Variants in GTPBP1 observed in about 807,000 individuals in gnomAD.
The protein encoded by GTPBP1 is GTP binding protein 1, also known as GTP-binding protein 1.
In GTPBP1, 23 loss-of-function variants were observed where a neutral mutation model predicts 62.0. The ratio of observed to expected loss-of-function variants is 0.37; its 90% confidence interval spans 0.27 to 0.53. The LOEUF (loss-of-function observed/expected upper bound fraction) is 0.53, where lower values mean the gene tolerates loss of function less well. GTPBP1 is among the 20% of genes least tolerant of loss of function. The pLI, the probability that GTPBP1 is intolerant of heterozygous loss-of-function variation, is 0.89. For missense variants in GTPBP1, 640 were observed against 917.3 expected (o/e 0.70, Z 3.90); for synonymous variants, 344 against 364.4 (o/e 0.94, Z 0.64).
At chr22:38,719,163 A>G (rs1019220684) in intron 4 of GTPBP1, among the ~76,000 whole-genome samples, 3 of 151,892 alleles carry the variant, frequency 2.0e-5, no homozygotes, top group Admixed American at 6.6e-5. Flanking sequence ...GTGCCACCAC[A>G]CCCAGCTAAT....
At chr22:38,709,572 T>C (rs2092626481) in intron 2 of GTPBP1, among the ~76,000 whole-genome samples, 1 of 152,216 alleles carries the variant, frequency 6.6e-6, no homozygotes, top group Admixed American at 6.5e-5. Context: ...GGGCAAGCCA[T>C]AGTTAGGTCT....
In GTPBP1 at chr22:38,733,070, G is replaced by A. The variant is rs2092771168; in HGVS notation, c.*2366G>A. 1 of 152,284 alleles carries A rather than the reference G, an allele frequency of 6.6e-6. No individual in the cohort carries two copies. Among genetic ancestry groups the A allele is most frequent in the Admixed American group, 6.5e-5 (1 of 15,272 alleles). The allele number at this position is 152,284 out of a possible 1,614,324, so 9.4% of individuals were successfully genotyped here. ...AGGTGTTCATTCCCATGCCAGCCTT[G>A]CCCCCCGGCTTTTCCCAGGCAGGCT... On this transcript the variant is annotated 3_prime_UTR_variant, in exon 12 of 12. Coordinates refer to ENST00000216044, the MANE Select transcript of GTPBP1 (RefSeq NM_004286.5).
intron 6 of GTPBP1, 74 bp from the exon 7 acceptor site, chr22:38,725,932 G>A: frequency 7.0e-7 from 1 of 1,419,114 alleles, no homozygotes; most frequent in Non-Finnish European, 9.9e-7. Context: ...TGCTGCCCCT[G>A]GTCTGTGTCA....
At chr22:38,719,295 C>T (rs937254510) in intron 4 of GTPBP1, among the ~76,000 whole-genome samples, 1 of 152,150 alleles carries the variant, frequency 6.6e-6, no homozygotes, top group Non-Finnish European at 1.5e-5. Context: ...GCGTGAGCCA[C>T]CGTACCCAGC....
chr22:38,741,828 G>A (rs2092860448), downstream of GTPBP1, among the ~76,000 whole-genome samples: 2 of 152,176 alleles, frequency 1.3e-5, no homozygotes, highest in African/African-American at 4.8e-5. Flanking sequence ...CCATCAAAGA[G>A]CAGGAAACTG....
downstream of GTPBP1, chr22:38,739,377 C>T (rs867249689): frequency 8.1e-6 from 13 of 1,613,020 alleles, no homozygotes; most frequent in Middle Eastern, 9.9e-4. This position sits in a 1 kb window ranked among gnomAD's most constrained non-coding sequence, Gnocchi z 6.7. Context: ...CAGCCCGATG[C>T]GGTCCTCACT....
downstream of GTPBP1, chr22:38,741,084 C>T: frequency 1.3e-6 from 2 of 1,577,694 alleles, no homozygotes; most frequent in Non-Finnish European, 1.7e-6. Flanking sequence ...ACAAGAAATA[C>T]TCATCTCAGA....
At chr22:38,737,138 C>T (rs929951512), downstream of GTPBP1, among the ~76,000 whole-genome samples, 1 of 152,210 alleles carries the variant, frequency 6.6e-6, no homozygotes, top group Admixed American at 6.5e-5. This position sits in a 1 kb window ranked among gnomAD's most constrained non-coding sequence, Gnocchi z 4.1. Context: ...TGAGCCACCT[C>T]GTCTGGCCTC....
At chr22:38,715,818 C>T in intron 2 of GTPBP1, 89 bp from the exon 3 acceptor site, 3 of 1,100,292 alleles carry the variant, frequency 2.7e-6, no homozygotes, top group Non-Finnish European at 4.0e-6. Flanking sequence ...GGGTGGTGGC[C>T]TTTGTTAGGT....
chr22:38,738,104 G>T, downstream of GTPBP1: 2 of 1,375,882 alleles, frequency 1.5e-6, no homozygotes, highest in Non-Finnish European at 2.1e-6. This position sits in a 1 kb window ranked among gnomAD's most constrained non-coding sequence, Gnocchi z 6.6. Flanking sequence ...CAGGGTAAGT[G>T]CCCAGGGAGC....
At chr22:38,708,407 T>G (rs2092618763) in intron 1 of GTPBP1, among the ~76,000 whole-genome samples, 1 of 152,212 alleles carries the variant, frequency 6.6e-6, no homozygotes, top group Non-Finnish European at 1.5e-5. Context: ...TTTGTTATCC[T>G]GGAAGCCACT....
chr22:38,723,073 A>G, intron 5 of GTPBP1: 2 of 775,700 alleles, frequency 2.6e-6, no homozygotes, highest in Admixed American at 1.8e-5. Context: ...TTCTTGGTGT[A>G]TTTATCCAGG....
downstream of GTPBP1, chr22:38,741,510 ATCTTCTTGAAGAGG>A (rs1569297693): frequency 6.2e-7 from 1 of 1,613,820 alleles, no homozygotes; most frequent in Non-Finnish European, 8.5e-7. Context: ...GGCCCGGACG[ATCTTCTTGAAGAGG>A]TCTTCTGAGT....
chr22:38,739,607 C>T, downstream of GTPBP1: 1 of 1,364,418 alleles, frequency 7.3e-7, no homozygotes, highest in South Asian at 1.3e-5. This position sits in a 1 kb window ranked among gnomAD's most constrained non-coding sequence, Gnocchi z 6.7. Flanking sequence ...GCAAAGCCTC[C>T]TGCTTGGCAC....
chr22:38,737,969 C>CA, downstream of GTPBP1: 1 of 705,726 alleles, frequency 1.4e-6, no homozygotes, highest in Non-Finnish European at 2.6e-6. This position sits in a 1 kb window ranked among gnomAD's most constrained non-coding sequence, Gnocchi z 4.1. Flanking sequence ...CCTCATGCTG[C>CA]CCTTCTGGAA....
downstream of GTPBP1, chr22:38,739,833 C>T (rs148038201): frequency 6.2e-7 from 1 of 1,613,506 alleles, no homozygotes; most frequent in Non-Finnish European, 8.5e-7. This position sits in a 1 kb window ranked among gnomAD's most constrained non-coding sequence, Gnocchi z 6.7. Context: ...GGATCTTGCT[C>T]TCCAGCTCTC....
At chr22:38,718,508 C>T (rs1422267850) in intron 4 of GTPBP1, among the ~76,000 whole-genome samples, 2 of 152,148 alleles carry the variant, frequency 1.3e-5, no homozygotes, top group African/African-American at 2.4e-5. Flanking sequence ...GCACTCTCTT[C>T]TCCAGGTTGG....
rs552622143 is a variant in GTPBP1 at position 38,715,989 on chromosome 22, C to T, written c.387C>T (p.Ala129=). 26 of 1,613,928 alleles carry T rather than the reference C, an allele frequency of 1.6e-5. No individual in the cohort carries two copies. Among genetic ancestry groups the T allele is most frequent in the East Asian group, 2.2e-5 (1 of 44,888 alleles). The part of the protein sequence containing the change: ...TVKSMAEQIE[A]DVILLRERQE... ...AGAGCATGGCGGAACAGATAGAGGC[C>T]GATGTCATCCTTCTGCGGGAACGGC... Residue 129 remains alanine (A), a synonymous_variant, in exon 3 of 12, where the codon GCC becomes GCT. Transcript: ENST00000216044.
intron 1 of GTPBP1, chr22:38,706,438 G>C (rs1298113766): frequency 3.8e-6 from 1 of 264,784 alleles, no homozygotes; most frequent in Non-Finnish European, 7.1e-6. Context: ...GTGGAACGGG[G>C]GCGCCCGATG....
Sources: allele counts gnomAD v4.1 joint callset (sites outside exome capture counted in the v4.1 genomes callset), GRCh38; gene constraint gnomAD v4.1.1; non-coding constraint Gnocchi (gnomAD v3.1); transcripts MANE v1.5; gene names NCBI Gene and HGNC (gene_info 2026-07-23, HGNC 2026-07-21).